NFIB: variants seen among roughly 807,000 people sequenced by gnomAD.
NFIB encodes nuclear factor I B.
Under a neutral mutation model 61.5 loss-of-function variants are expected in NFIB, and 11 were observed. That is an observed-to-expected ratio of 0.18 (90% CI 0.11 to 0.30). NFIB has a LOEUF of 0.30. NFIB is among the 10% of genes least tolerant of loss of function. The pLI is 1.00. For missense variants in NFIB, 471 were observed against 608.9 expected (o/e 0.77, Z 2.38); for synonymous variants, 260 against 216.5 (o/e 1.20, Z -1.76).
At chr9:14,370,445 G>A (rs1259703341) in intron 1 of NFIB, among the ~76,000 whole-genome samples, 1 of 152,218 alleles carries the variant, frequency 6.6e-6, no homozygotes, top group Non-Finnish European at 1.5e-5. Flanking sequence ...GAATAAGAGT[G>A]TAAATGATAA....
intron 2 of NFIB, among the ~76,000 whole-genome samples, chr9:14,268,822 G>A (rs2057401162): frequency 2.0e-5 from 3 of 152,176 alleles, no homozygotes. Context: ...TAGACATGTA[G>A]TAAGCACAAA....
At chr9:14,248,855 T>G (rs1181875341) in intron 2 of NFIB, among the ~76,000 whole-genome samples, 1 of 152,184 alleles carries the variant, frequency 6.6e-6, no homozygotes, top group African/African-American at 2.4e-5. Flanking sequence ...AAGCCTTCAC[T>G]GTGGAAAGAG....
At position 14,083,736 on chromosome 9, in the gene NFIB, C is replaced by T. The variant is rs1456559949; in HGVS notation, c.*4573G>A. The T allele has an allele frequency of 1.3e-5, 3 of 224,812 alleles. No individual in the cohort carries two copies. Among genetic ancestry groups the T allele is most frequent in the Admixed American group, 5.7e-5 (1 of 17,502 alleles). 13.9% of individuals were successfully genotyped at this position (224,812 alleles called of 1,614,324 possible). A position where few individuals can be genotyped will look rare whatever the true frequency, so the allele number is the denominator to read the frequency against. On this transcript the variant is annotated 3_prime_UTR_variant, in exon 11 of 11. Transcript: ENST00000380953. ...ATAGAATTTGAATCTAGGTAAAGAA[C>T]ATGTCCTGCTGTCACACCGCTGAAG... is the stretch of plus-strand genomic sequence containing the variant.
the NFIB span, among the ~76,000 whole-genome samples, chr9:14,493,058 G>A: frequency 6.6e-6 from 1 of 152,138 alleles, no homozygotes; most frequent in Non-Finnish European, 1.5e-5. Flanking sequence ...GATTACTATT[G>A]CTGCTCAAGG....
chr9:14,524,981 C>T, the NFIB span, among the ~76,000 whole-genome samples: 1 of 152,172 alleles, frequency 6.6e-6, no homozygotes, highest in Admixed American at 6.5e-5. Context: ...TCATCAAAAC[C>T]TGAAAATGGA....
intron 2 of NFIB, among the ~76,000 whole-genome samples, chr9:14,246,660 A>G (rs1222835371): frequency 6.6e-6 from 1 of 152,156 alleles, no homozygotes; most frequent in Non-Finnish European, 1.5e-5. Context: ...TTTCCCCCAA[A>G]TTAACAGGCA....
intron 3 of NFIB, among the ~76,000 whole-genome samples, chr9:14,160,831 C>CAAAAAA (rs36063048): frequency 1.2e-4 from 12 of 96,308 alleles, no homozygotes; most frequent in African/African-American, 1.7e-4. Context: ...AAGGAAATCT[C>CAAAAAA]AAAAAAAAAA....
At chr9:14,243,504 T>C (rs2054560671) in intron 2 of NFIB, among the ~76,000 whole-genome samples, 1 of 152,098 alleles carries the variant, frequency 6.6e-6, no homozygotes, top group African/African-American at 2.4e-5. Flanking sequence ...GGTGGAATTG[T>C]TTTGTTTTAT....
the NFIB span, among the ~76,000 whole-genome samples, chr9:14,530,143 A>G: frequency 6.6e-6 from 1 of 152,232 alleles, no homozygotes; most frequent in South Asian, 2.1e-4. Flanking sequence ...CTCACTTCTT[A>G]GAACAACGTA....
At chr9:14,446,164 G>C in the NFIB span, among the ~76,000 whole-genome samples, 1 of 152,098 alleles carries the variant, frequency 6.6e-6, no homozygotes, top group Non-Finnish European at 1.5e-5. Context: ...TCCTCATTTT[G>C]ATTTTGGTTT....
At chr9:14,338,462 G>A (rs1443076597) in intron 1 of NFIB, among the ~76,000 whole-genome samples, 1 of 152,176 alleles carries the variant, frequency 6.6e-6, no homozygotes, top group East Asian at 1.9e-4. Flanking sequence ...GAGCTTAGGA[G>A]TAGAACAACT....
At chr9:14,514,970 C>T in the NFIB span, among the ~76,000 whole-genome samples, 14 of 152,234 alleles carry the variant, frequency 9.2e-5, no homozygotes, top group African/African-American at 1.9e-4. Context: ...CCAACAGAAA[C>T]GGCATACTTA....
chr9:14,146,556 T>C, intron 6 of NFIB, 133 bp downstream of exon 6: 1 of 1,288,972 alleles, frequency 7.8e-7, no homozygotes, highest in Non-Finnish European at 1.1e-6. Flanking sequence ...TCAAAAATAA[T>C]TCTACAGGAA....
intron 2 of NFIB, among the ~76,000 whole-genome samples, chr9:14,234,815 T>TG (rs1554682559): frequency 0.012 from 1,865 of 151,050 alleles, 32 homozygotes; most frequent in African/African-American, 0.041. Context: ...GTTTTTTTTT[T>TG]GGGTATGTTT....
chr9:14,138,582 CAG>C (rs1323520408), intron 6 of NFIB, among the ~76,000 whole-genome samples: 5 of 151,754 alleles, frequency 3.3e-5, no homozygotes, highest in African/African-American at 1.2e-4. Context: ...TCGAAATATT[CAG>C]ATCTATTTAC....
At chr9:14,355,252 G>C (rs1290216211) in intron 1 of NFIB, among the ~76,000 whole-genome samples, 3 of 152,174 alleles carry the variant, frequency 2.0e-5, no homozygotes, top group Non-Finnish European at 4.4e-5. Context: ...GACTGGTGGA[G>C]TCCCTGTAAG....
chr9:14,314,830 C>T (rs2060465825), upstream of NFIB, among the ~76,000 whole-genome samples: 1 of 151,450 alleles, frequency 6.6e-6, no homozygotes, highest in Non-Finnish European at 1.5e-5. Context: ...TTTCCGCTGC[C>T]CTCCCCACAC....
Position 14,084,616 on chromosome 9 carries a change from C to A in NFIB, c.*3693G>T, listed in dbSNP as rs1303297716. 2 of 228,938 alleles carry A rather than the reference C, an allele frequency of 8.7e-6. No individual in the cohort carries two copies. Among genetic ancestry groups the A allele is most frequent in the Non-Finnish European group, 1.7e-5 (2 of 115,208 alleles). 14.2% of individuals were successfully genotyped at this position (228,938 alleles called of 1,614,324 possible). ...TGGGTGGCAGGGCAGCACACAAAGG[C>A]TGAACAGTGCCACGGAACTGATGGT... On this transcript the variant is annotated 3_prime_UTR_variant, in exon 11 of 11. Coordinates refer to ENST00000380953, the MANE Select transcript of NFIB (RefSeq NM_001190737.2).
intron 2 of NFIB, among the ~76,000 whole-genome samples, chr9:14,302,338 T>C (rs1011688436): frequency 1.3e-5 from 2 of 152,226 alleles, no homozygotes; most frequent in African/African-American, 4.8e-5. Context: ...GGAAGGCTTC[T>C]ATTTCAAAAA....
Sources: gnomAD v4.1 joint callset for allele counts (sites outside exome capture counted in the v4.1 genomes callset) on GRCh38, gnomAD v4.1.1 for gene constraint, MANE v1.5 for transcripts, NCBI Gene and HGNC (gene_info 2026-07-23, HGNC 2026-07-21) for gene names.